PDLIM5: variants seen among roughly 807,000 people sequenced by gnomAD.
PDLIM5 encodes PDZ and LIM domain protein 5.
PDLIM5 carries 34 observed loss-of-function variants against 64.2 expected under a neutral mutation model. The observed-to-expected ratio is 0.53, with a 90% CI of 0.40 to 0.71. The LOEUF (loss-of-function observed/expected upper bound fraction) is 0.71. PDLIM5 is among the 30% of genes least tolerant of loss of function. The pLI is 0.00. For missense variants in PDLIM5, 683 were observed against 733.6 expected (o/e 0.93, Z 0.80); for synonymous variants, 253 against 269.1 (o/e 0.94, Z 0.59).
At position 94,575,820 on chromosome 4, in the gene PDLIM5, G is replaced by A. The variant is rs558400467; in HGVS notation, c.496G>A (p.Val166Met). The A allele has an allele frequency of 3.6e-5, 58 of 1,613,972 alleles. No individual in the cohort carries two copies. The highest frequency in any genetic ancestry group is 4.2e-5 in the Non-Finnish European group (50 of 1,179,998). The part of the protein sequence containing the change: ...TTSSHASPSP[V>M]AAVTPPLFAA... Reference sequence around the variant, plus strand: ...CTCATCACATGCTTCCCCTTCACCCGTGGCTGCCGTCACTCCTCCCCTGTT... The same window carrying A: ...CTCATCACATGCTTCCCCTTCACCCATGGCTGCCGTCACTCCTCCCCTGTT... The change falls in exon 5 of 13, where the codon GTG (valine) becomes ATG (methionine). Residue 166 changes from valine to methionine, a missense_variant. Val to Met is a conservative substitution (Grantham distance 21). Transcript: ENST00000317968.
At chr4:94,622,079 TAAAAAC>T (rs1739281218) in intron 8 of PDLIM5, among the ~76,000 whole-genome samples, 3 of 152,044 alleles carry the variant, frequency 2.0e-5, no homozygotes. Context: ...AATTTAAAAA[TAAAAAC>T]AAAATTCCCA....
intron 2 of PDLIM5, among the ~76,000 whole-genome samples, chr4:94,500,879 G>T (rs1325047072): frequency 6.6e-6 from 1 of 151,968 alleles, no homozygotes; most frequent in East Asian, 1.9e-4. Context: ...CACCTCCCAG[G>T]CTCAAATGGT....
At chr4:94,539,643 A>G (rs1415101482) in intron 3 of PDLIM5, among the ~76,000 whole-genome samples, 1 of 152,238 alleles carries the variant, frequency 6.6e-6, no homozygotes, top group Non-Finnish European at 1.5e-5. Context: ...GTAGGTATGT[A>G]CAAGTAGCAA....
intron 3 of PDLIM5, among the ~76,000 whole-genome samples, chr4:94,525,098 A>C (rs1349306080): frequency 1.3e-5 from 2 of 152,110 alleles, no homozygotes; most frequent in African/African-American, 4.8e-5. Context: ...AGTCTTCCAT[A>C]AATTATCATG....
intron 3 of PDLIM5, among the ~76,000 whole-genome samples, chr4:94,529,052 A>AG: frequency 6.6e-6 from 1 of 152,344 alleles, no homozygotes; most frequent in East Asian, 1.9e-4. Flanking sequence ...AGGGAGTAGA[A>AG]GTGGCGAGAA....
intron 3 of PDLIM5, among the ~76,000 whole-genome samples, chr4:94,539,994 TAATAA>T (rs1174515712): frequency 6.6e-6 from 1 of 152,044 alleles, no homozygotes; most frequent in African/African-American, 2.4e-5. Flanking sequence ...TGTAAGGCAA[TAATAA>T]AATATATAAT....
chr4:94,641,987 T>G (rs2110461855), intron 9 of PDLIM5, among the ~76,000 whole-genome samples: 3 of 152,332 alleles, frequency 2.0e-5, no homozygotes, highest in Admixed American at 2.0e-4. Context: ...ATATTTAAAC[T>G]AATGTAAGAT....
chr4:94,633,002 T>C (rs1027561260), intron 8 of PDLIM5, among the ~76,000 whole-genome samples: 1 of 152,210 alleles, frequency 6.6e-6, no homozygotes, highest in Non-Finnish European at 1.5e-5. Context: ...AATAGAAAAC[T>C]AGTGATCAGA....
chr4:94,494,873 C>T (rs1275371031), intron 2 of PDLIM5, among the ~76,000 whole-genome samples: 11 of 151,958 alleles, frequency 7.2e-5, no homozygotes, highest in Admixed American at 6.6e-5. Flanking sequence ...CTTAGCCTCC[C>T]GAGTAGCTGG....
rs371135591 is a variant in PDLIM5, at chr4:94,509,255, G to A, written c.97-14469G>A. Reference sequence around the variant, plus strand: ...TTTGGTCTCTGGTCTCTGTTCAAATGTCACCCCTGCCAGAAGTCTTCCCTG... The same window carrying A: ...TTTGGTCTCTGGTCTCTGTTCAAATATCACCCCTGCCAGAAGTCTTCCCTG... On this transcript the variant is annotated intron_variant, in intron 2 of 12. Transcript: ENST00000317968. Among the ~76,000 whole-genome samples the A allele has an allele frequency of 7.2e-5, 11 of 152,184 alleles. No homozygotes were observed. The East Asian group carries it at 1.5e-3, about 21-fold the overall frequency.
chr4:94,502,868 C>T (rs1473156830), intron 2 of PDLIM5, among the ~76,000 whole-genome samples: 1 of 151,878 alleles, frequency 6.6e-6, no homozygotes, highest in East Asian at 1.9e-4. Flanking sequence ...TGGAGTGAGA[C>T]TCCACCTCAT....
intron 5 of PDLIM5, among the ~76,000 whole-genome samples, chr4:94,581,494 T>A (rs1320132518): frequency 6.6e-6 from 1 of 152,170 alleles, no homozygotes; most frequent in East Asian, 1.9e-4. Context: ...GAGAGAATGC[T>A]GTGCATTTGT....
chr4:94,569,265 G>T (rs1188247343), intron 3 of PDLIM5, among the ~76,000 whole-genome samples: 1 of 152,144 alleles, frequency 6.6e-6, no homozygotes, highest in Non-Finnish European at 1.5e-5. Flanking sequence ...ATGATAACTA[G>T]TCTCCCACTC....
intron 9 of PDLIM5, among the ~76,000 whole-genome samples, chr4:94,646,728 C>T (rs994881885): frequency 1.3e-5 from 2 of 152,066 alleles, no homozygotes; most frequent in African/African-American, 2.4e-5. Flanking sequence ...ATATTTTGTA[C>T]AACAAATGTC....
At chr4:94,587,994 T>C (rs1736377955) in intron 7 of PDLIM5, 1 of 976,678 alleles carries the variant, frequency 1.0e-6, no homozygotes. Flanking sequence ...TTTTGGGCAA[T>C]ACATGGAAGC....
At chr4:94,558,838 A>G (rs1733597234) in intron 3 of PDLIM5, among the ~76,000 whole-genome samples, 1 of 152,032 alleles carries the variant, frequency 6.6e-6, no homozygotes, top group Admixed American at 6.6e-5. Flanking sequence ...GAGGGGGGTT[A>G]GTAAAAAATT....
intron 3 of PDLIM5, among the ~76,000 whole-genome samples, chr4:94,547,690 A>T (rs1008402545): frequency 6.6e-6 from 1 of 152,178 alleles, no homozygotes; most frequent in African/African-American, 2.4e-5. Flanking sequence ...ATGTATACTG[A>T]ACTGACTGTA....
At chr4:94,517,397 C>T (rs1729456837) in intron 2 of PDLIM5, among the ~76,000 whole-genome samples, 1 of 152,156 alleles carries the variant, frequency 6.6e-6, no homozygotes, top group Non-Finnish European at 1.5e-5. Flanking sequence ...TATTTGACAG[C>T]AGGTACTGGA....
chr4:94,623,288 C>T (rs1739402354), intron 8 of PDLIM5, among the ~76,000 whole-genome samples: 1 of 152,156 alleles, frequency 6.6e-6, no homozygotes. Flanking sequence ...ACACTGTTCC[C>T]TATAGTCCAC....
Sources: allele counts gnomAD v4.1 joint callset (sites outside exome capture counted in the v4.1 genomes callset), GRCh38; gene constraint gnomAD v4.1.1; transcripts MANE v1.5; gene names NCBI Gene and HGNC (gene_info 2026-07-23, HGNC 2026-07-21).